Variants in CSMD1 observed in about 807,000 individuals in gnomAD.
The protein encoded by CSMD1 is CUB and Sushi multiple domains 1.
In CSMD1, 213 loss-of-function variants were observed where a neutral mutation model predicts 417.5. That is an observed-to-expected ratio of 0.51 (90% confidence interval 0.46 to 0.57). CSMD1 has a LOEUF of 0.57. Among genes scored for constraint, CSMD1 ranks in the 20% least tolerant of loss-of-function variants. The pLI, the probability that CSMD1 is intolerant of heterozygous loss-of-function variation, is 0.00. For synonymous variants in CSMD1, 2,862 were observed against 1,736.8 expected, an observed-to-expected ratio of 1.65 and a Z score of -16.11; for missense variants, 6,923 against 4,529.7, an observed-to-expected ratio of 1.53 and a Z score of -15.17.
At position 4,161,858 on chromosome 8, in the gene CSMD1, G is replaced by C. The variant is rs566910573; in HGVS notation, c.416-129759C>G. On this transcript the variant is annotated intron_variant, in intron 3 of 69. Transcript: ENST00000635120. The stretch of plus-strand genomic sequence containing the variant: ...TCACTGCATTTTTTTCTTTGCCATA[G>C]AATTTAATTCTTTTAGATTTTATAA... 4.6e-5 allele frequency among the ~76,000 whole-genome samples: 7 copies of C among 152,154 alleles called. No homozygotes were observed. The South Asian group carries it at 8.3e-4, about 18-fold the overall frequency.
At chr8:4,722,690 T>C (rs1455382923) in intron 1 of CSMD1, among the ~76,000 whole-genome samples, 2 of 152,190 alleles carry the variant, frequency 1.3e-5, no homozygotes, top group Non-Finnish European at 2.9e-5. Flanking sequence ...TTTCTAATTT[T>C]TCTAATTTGA....
At chr8:4,005,137 G>C (rs1172075597) in intron 4 of CSMD1, among the ~76,000 whole-genome samples, 1 of 152,132 alleles carries the variant, frequency 6.6e-6, no homozygotes, top group African/African-American at 2.4e-5. Flanking sequence ...AGATTTGGGG[G>C]GAAGAGTGGG....
intron 5 of CSMD1, among the ~76,000 whole-genome samples, chr8:3,765,186 C>A (rs1013409532): frequency 6.6e-6 from 1 of 152,134 alleles, no homozygotes; most frequent in African/African-American, 2.4e-5. Flanking sequence ...TTTCGTGAAC[C>A]TTGTGTTCTG....
At chr8:4,744,975 G>A (rs753870830) in intron 1 of CSMD1, among the ~76,000 whole-genome samples, 1 of 152,090 alleles carries the variant, frequency 6.6e-6, no homozygotes, top group Non-Finnish European at 1.5e-5. Context: ...AGACACATTT[G>A]AAAACATACA....
At chr8:4,746,410 T>C (rs1810955169) in intron 1 of CSMD1, among the ~76,000 whole-genome samples, 1 of 152,198 alleles carries the variant, frequency 6.6e-6, no homozygotes, top group South Asian at 2.1e-4. Context: ...TTAAGGCAAA[T>C]GCAGCATTTT....
At chr8:3,527,337 TC>T (rs1797794408) in intron 10 of CSMD1, among the ~76,000 whole-genome samples, 1 of 152,134 alleles carries the variant, frequency 6.6e-6, no homozygotes, top group African/African-American at 2.4e-5. Context: ...TCGTGCCCTT[TC>T]AAAAAGCCAT....
Position 4,994,544 on chromosome 8 carries a change from G to T in CSMD1, c.-128C>A, listed in dbSNP as rs796678659. ...AGAGAGCCCGGTCCCAAGACCCGCC[G>T]CGCATCCGACGCCTCCTGAAGGTCT... On this transcript the variant is annotated 5_prime_UTR_variant, in exon 1 of 70. Coordinates refer to ENST00000635120, the MANE Select transcript of CSMD1 (RefSeq NM_033225.6). 2.4e-6 allele frequency: 2 copies of T among 826,138 alleles called. No homozygotes were observed. The highest frequency in any genetic ancestry group is 3.4e-5 in the African/African-American group (2 of 59,342). The allele number at this position is 826,138 out of a possible 1,614,324, so 51.2% of individuals were successfully genotyped here.
intron 23 of CSMD1, among the ~76,000 whole-genome samples, chr8:3,321,554 G>A (rs1353578114): frequency 1.3e-5 from 2 of 152,146 alleles, no homozygotes; most frequent in Non-Finnish European, 2.9e-5. Flanking sequence ...GTCTAGAAAT[G>A]AACCTCCCTG....
intron 3 of CSMD1, among the ~76,000 whole-genome samples, chr8:4,102,480 T>G (rs1042780042): frequency 6.6e-6 from 1 of 152,138 alleles, no homozygotes; most frequent in Non-Finnish European, 1.5e-5. Flanking sequence ...ATCAAATCTG[T>G]CACTTGAGGG....
chr8:3,342,095 T>C (rs1013128490), intron 23 of CSMD1, among the ~76,000 whole-genome samples: 1 of 152,238 alleles, frequency 6.6e-6, no homozygotes, highest in African/African-American at 2.4e-5. Context: ...CAAATATTAA[T>C]TCATAGGCTT....
At chr8:3,314,178 A>C (rs927582349) in intron 23 of CSMD1, among the ~76,000 whole-genome samples, 5 of 152,212 alleles carry the variant, frequency 3.3e-5, no homozygotes, top group Non-Finnish European at 7.3e-5. Flanking sequence ...TTAAATGACT[A>C]GTTAATGGGT....
At chr8:4,744,475 G>C (rs993259915) in intron 1 of CSMD1, among the ~76,000 whole-genome samples, 14 of 152,144 alleles carry the variant, frequency 9.2e-5, no homozygotes, top group Non-Finnish European at 1.6e-4. Context: ...CCATAAGTGA[G>C]GAATTATATT....
chr8:3,041,286 G>A (rs1161980250), intron 50 of CSMD1, among the ~76,000 whole-genome samples: 4 of 152,034 alleles, frequency 2.6e-5, no homozygotes. Flanking sequence ...CCCGTAAAAT[G>A]CATTTTTTCT....
chr8:3,414,959 A>G (rs925790045), intron 12 of CSMD1, among the ~76,000 whole-genome samples: 1 of 152,050 alleles, frequency 6.6e-6, no homozygotes, highest in African/African-American at 2.4e-5. Context: ...CATTATATGT[A>G]CTTTTTGTGC....
intron 1 of CSMD1, among the ~76,000 whole-genome samples, chr8:4,901,579 C>A (rs933981774): frequency 6.6e-6 from 1 of 151,882 alleles, no homozygotes; most frequent in Non-Finnish European, 1.5e-5. Context: ...TCAGATGTTT[C>A]TTTACGTTTC....
At chr8:4,730,338 A>C (rs774995127) in intron 1 of CSMD1, among the ~76,000 whole-genome samples, 3 of 152,242 alleles carry the variant, frequency 2.0e-5, no homozygotes, top group Non-Finnish European at 4.4e-5. Context: ...GTTGCAGGCT[A>C]TATAGAAAGC....
chr8:3,118,792 A>T (rs937268407), intron 41 of CSMD1, among the ~76,000 whole-genome samples: 1 of 152,218 alleles, frequency 6.6e-6, no homozygotes, highest in African/African-American at 2.4e-5. Flanking sequence ...TGCATTTAAT[A>T]AATAGTGTGT....
intron 5 of CSMD1, among the ~76,000 whole-genome samples, chr8:3,946,696 CT>C (rs1484668422): frequency 6.6e-6 from 1 of 152,056 alleles, no homozygotes. Context: ...TCTAGTGTAT[CT>C]CCCCTTTTCA....
At chr8:4,404,168 A>G (rs979082606) in intron 3 of CSMD1, among the ~76,000 whole-genome samples, 1 of 152,144 alleles carries the variant, frequency 6.6e-6, no homozygotes, top group Non-Finnish European at 1.5e-5. Context: ...GGAACACTCT[A>G]TTTAATATTG....
Sources: allele counts gnomAD v4.1 joint callset (sites outside exome capture counted in the v4.1 genomes callset), GRCh38; gene constraint gnomAD v4.1.1; transcripts MANE v1.5; gene names NCBI Gene and HGNC (gene_info 2026-07-23, HGNC 2026-07-21).